Variants in ASF1B observed in about 807,000 individuals in gnomAD.
The protein encoded by ASF1B is anti-silencing function 1B histone chaperone, also known as histone chaperone ASF1B.
A neutral mutation model predicts 16.6 loss-of-function variants in ASF1B; 10 were observed. The ratio of observed to expected loss-of-function variants is 0.60; its 90% CI spans 0.37 to 1.02. The LOEUF is 1.02. Ranked by LOEUF, ASF1B falls within the 50% of genes least tolerant of loss-of-function variation. The probability of loss-of-function intolerance (pLI) is 0.01; values close to 1 mark genes in which losing one functional copy is unlikely to be tolerated. For synonymous variants in ASF1B, 101 were observed against 106.2 expected (o/e 0.95, Z 0.30); for missense variants, 240 against 266.0 (o/e 0.90, Z 0.68).
chr19:14,124,394 G>T (rs1341764673), intron 2 of ASF1B, among the ~76,000 whole-genome samples: 1 of 151,630 alleles, frequency 6.6e-6, no homozygotes, highest in Non-Finnish European at 1.5e-5. Flanking sequence ...GCCTTAAGCA[G>T]TCCTCCCGCC....
chr19:14,127,362 T>C (rs1185809846), intron 1 of ASF1B, among the ~76,000 whole-genome samples: 1 of 151,462 alleles, frequency 6.6e-6, no homozygotes, highest in African/African-American at 2.4e-5. Flanking sequence ...CGGCAGGGAG[T>C]TGGGTCATTT....
At chr19:14,129,841 G>A (rs967367493) in intron 1 of ASF1B, among the ~76,000 whole-genome samples, 1 of 151,002 alleles carries the variant, frequency 6.6e-6, no homozygotes, top group African/African-American at 2.4e-5. Flanking sequence ...GAGCTCAGAA[G>A]TTCGAGATCA....
At chr19:14,134,364 G>GA (rs1316510518) in intron 1 of ASF1B, among the ~76,000 whole-genome samples, 1 of 152,026 alleles carries the variant, frequency 6.6e-6, no homozygotes, top group Non-Finnish European at 1.5e-5. Flanking sequence ...AGAGACCGGG[G>GA]AGAGACAGAC....
rs773715421 is a variant in ASF1B, at chr19:14,126,118, T to A, written c.225+4A>T. The A allele has an allele frequency of 1.3e-6, 2 of 1,589,862 alleles. No homozygotes were observed. The highest frequency in any genetic ancestry group is 2.3e-5 in the South Asian group (2 of 87,332). ...GCTAAGGCCTAAGGCCTCATCTTTCTTACCTGAAAGACAAACATGTGTCTC... is the reference window on the plus strand; with the variant it reads ...GCTAAGGCCTAAGGCCTCATCTTTCATACCTGAAAGACAAACATGTGTCTC... On this transcript the variant is annotated splice_donor_region_variant and intron_variant, in intron 2 of 3. Coordinates refer to ENST00000263382, the MANE Select transcript of ASF1B (RefSeq NM_018154.3).
At chr19:14,124,367 C>A (rs919550088) in intron 2 of ASF1B, among the ~76,000 whole-genome samples, 9 of 151,908 alleles carry the variant, frequency 5.9e-5, no homozygotes, top group Non-Finnish European at 1.3e-4. Flanking sequence ...GTGGCCCAGG[C>A]TAGTCTGGAA....
chr19:14,133,511 T>C (rs941224781), intron 1 of ASF1B, among the ~76,000 whole-genome samples: 2 of 151,616 alleles, frequency 1.3e-5, no homozygotes, highest in African/African-American at 2.4e-5. Flanking sequence ...CTACTAAAAA[T>C]ACAAAAATTA....
At position 14,136,547 on chromosome 19, in the gene ASF1B, G is replaced by A; in HGVS notation, c.-91C>T. 3.8e-6 allele frequency: 4 copies of A among 1,048,134 alleles called. No individual in the cohort carries two copies. Among genetic ancestry groups the A allele is most frequent in the South Asian group, 1.5e-5 (1 of 65,420 alleles). 64.9% of individuals were successfully genotyped at this position (1,048,134 alleles called of 1,614,324 possible). On this transcript the variant is annotated 5_prime_UTR_variant, in exon 1 of 4. Coordinates refer to ENST00000263382, the MANE Select transcript of ASF1B (RefSeq NM_018154.3). ...CCGGTGGGGTCAGTGGGGTAGGGCT[G>A]ACCAGGTCCACTCCCGCCTCTTCTC...
intron 2 of ASF1B, among the ~76,000 whole-genome samples, chr19:14,124,292 G>A (rs955681283): frequency 2.0e-5 from 3 of 151,986 alleles, no homozygotes; most frequent in African/African-American, 7.3e-5. Context: ...TAGCTGGGAC[G>A]ACAGGTGCAA....
At chr19:14,133,971 T>C (rs1267340000) in intron 1 of ASF1B, among the ~76,000 whole-genome samples, 1 of 151,608 alleles carries the variant, frequency 6.6e-6, no homozygotes, top group African/African-American at 2.4e-5. Context: ...GCCCGGCTAA[T>C]TTTTTGTGTT....
chr19:14,120,580 A>G lies in ASF1B; in HGVS notation c.488T>C (p.Ile163Thr), dbSNP rs1967219807. The G allele has an allele frequency of 3.1e-6, 5 of 1,613,984 alleles. No homozygotes were observed. Among genetic ancestry groups the G allele is most frequent in the Non-Finnish European group, 3.4e-6 (4 of 1,180,004 alleles). Residue 163 changes from isoleucine (I) to threonine (T), a missense_variant, in exon 4 of 4, where the codon ATA (isoleucine) becomes ACA (threonine). Coordinates refer to ENST00000263382, the MANE Select transcript of ASF1B (RefSeq NM_018154.3). ...GCCCAGGGAGGGGTCCTGGGTCTCT[A>G]TGGCCTCCAGCCTGTCCATGTTGTT... ...WDNNMDRLEAIETQDPSLGCG... is the reference protein window; with the variant it reads ...WDNNMDRLEATETQDPSLGCG...
chr19:14,119,684 G>T lies in ASF1B; in HGVS notation c.*775C>A, dbSNP rs1399663466. The T allele has an allele frequency of 6.5e-6, 1 of 152,706 alleles. No individual in the cohort carries two copies. The highest frequency in any genetic ancestry group is 2.4e-5 in the African/African-American group (1 of 41,468). The allele number at this position is 152,706 out of a possible 1,614,324, so 9.5% of individuals were successfully genotyped here. ...TTTCAGGGTCCCAGTTGCTTCCCTG[G>T]CTTGAAATCACCCTGGTCCTAGCAG... On this transcript the variant is annotated 3_prime_UTR_variant, in exon 4 of 4. Transcript: ENST00000263382.
chr19:14,123,570 T>C (rs1215663010), intron 2 of ASF1B, among the ~76,000 whole-genome samples: 2 of 151,832 alleles, frequency 1.3e-5, no homozygotes, highest in East Asian at 3.9e-4. Flanking sequence ...TTAGTAGAGA[T>C]GGGGCTTCAC....
intron 1 of ASF1B, among the ~76,000 whole-genome samples, chr19:14,133,935 C>T (rs991128610): frequency 2.2e-4 from 33 of 151,070 alleles, no homozygotes; most frequent in Non-Finnish European, 2.7e-4. Context: ...TCCCGCGTAG[C>T]TGGGACTACA....
intron 1 of ASF1B, among the ~76,000 whole-genome samples, chr19:14,135,096 C>T (rs1599361261): frequency 6.6e-6 from 1 of 151,614 alleles, no homozygotes; most frequent in African/African-American, 2.4e-5. Flanking sequence ...TGGTGACAGG[C>T]GCCTGTAGTC....
intron 2 of ASF1B, among the ~76,000 whole-genome samples, chr19:14,125,026 G>A (rs187236301): frequency 1.3e-5 from 2 of 152,136 alleles, no homozygotes; most frequent in Non-Finnish European, 2.9e-5. Flanking sequence ...GAGTGCACTG[G>A]TGCGATCTCA....
chr19:14,130,224 A>C (rs1967381349), intron 1 of ASF1B, among the ~76,000 whole-genome samples: 1 of 151,526 alleles, frequency 6.6e-6, no homozygotes, highest in Non-Finnish European at 1.5e-5. Flanking sequence ...ACGCCCGGCT[A>C]ATTTTTTTTT....
chr19:14,131,658 AT>A (rs1172913685), intron 1 of ASF1B, among the ~76,000 whole-genome samples: 1 of 149,032 alleles, frequency 6.7e-6, no homozygotes, highest in Non-Finnish European at 1.5e-5. Context: ...AATTTTTTGT[AT>A]TTTTAGTAGA....
chr19:14,126,968 C>T (rs1967328032), intron 1 of ASF1B, among the ~76,000 whole-genome samples: 1 of 152,134 alleles, frequency 6.6e-6, no homozygotes, highest in Admixed American at 6.6e-5. Flanking sequence ...GTTGCCTAGG[C>T]TGGTGTGCAG....
rs558631913 is a variant in ASF1B at position 14,120,838 on chromosome 19, G to T, written c.403-173C>A. On this transcript the variant is annotated intron_variant, in intron 3 of 3. Coordinates refer to ENST00000263382, the MANE Select transcript of ASF1B (RefSeq NM_018154.3). ...TTATTTATTTATTTATTTATTTTTTGAGACGGAGTTTTGCTTTTGTTGCCC... is the reference window on the plus strand; with the variant it reads ...TTATTTATTTATTTATTTATTTTTTTAGACGGAGTTTTGCTTTTGTTGCCC... 2.8e-4 allele frequency among the ~76,000 whole-genome samples: 42 copies of T among 151,740 alleles called. No homozygotes were observed. In the East Asian group the frequency reaches 7.5e-3, roughly 27 times the overall value.
Sources: allele counts gnomAD v4.1 joint callset (sites outside exome capture counted in the v4.1 genomes callset), GRCh38; gene constraint gnomAD v4.1.1; transcripts MANE v1.5; gene names NCBI Gene and HGNC (gene_info 2026-07-23, HGNC 2026-07-21).